Variants in PLXNA4 observed in about 807,000 individuals in gnomAD.
PLXNA4 encodes the protein plexin A4.
PLXNA4 carries 44 observed loss-of-function variants against 191.8 expected under a neutral mutation model. That is an observed-to-expected ratio of 0.23 (90% CI 0.18 to 0.29). PLXNA4 has a LOEUF of 0.29. PLXNA4 is among the 10% of genes least tolerant of loss of function. The pLI, the probability that PLXNA4 is intolerant of heterozygous loss-of-function variation, is 1.00. For synonymous variants in PLXNA4, 1,082 were observed against 1,009.5 expected, an observed-to-expected ratio of 1.07 and a Z score of -1.36; for missense variants, 1,800 against 2,488.8, an observed-to-expected ratio of 0.72 and a Z score of 5.89.
chr7:132,456,422 T>C (rs966788941), intron 3 of PLXNA4, among the ~76,000 whole-genome samples: 1 of 152,178 alleles, frequency 6.6e-6, no homozygotes, highest in African/African-American at 2.4e-5. Context: ...CTCTGTTCTC[T>C]TTTTATAAGG....
intron 3 of PLXNA4, among the ~76,000 whole-genome samples, chr7:132,362,358 G>T (rs953083962): frequency 1.3e-5 from 2 of 152,206 alleles, no homozygotes; most frequent in Non-Finnish European, 2.9e-5. Context: ...TTCTGGGTTG[G>T]GAATTGGTGT....
At chr7:132,421,297 G>T (rs969845166) in intron 3 of PLXNA4, among the ~76,000 whole-genome samples, 22 of 152,298 alleles carry the variant, frequency 1.4e-4, no homozygotes, top group African/African-American at 5.3e-4. Context: ...GGCTAAATAA[G>T]AGAACACTCA....
chr7:132,132,481 TGCTCTGCTCTA>T (rs1563048444), intron 31 of PLXNA4, among the ~76,000 whole-genome samples: 9 of 67,790 alleles, frequency 1.3e-4, no homozygotes, highest in African/African-American at 3.9e-4. Context: ...TGCTCTGCTC[TGCTCTGCTCTA>T]TTCTTTTCTA....
intron 9 of PLXNA4, among the ~76,000 whole-genome samples, chr7:132,222,581 G>A (rs987807564): frequency 2.6e-5 from 4 of 152,182 alleles, no homozygotes; most frequent in Non-Finnish European, 5.9e-5. Flanking sequence ...TGTTAAAGGG[G>A]TCTGAAAGAT....
intron 3 of PLXNA4, among the ~76,000 whole-genome samples, chr7:132,396,565 G>T (rs1377725418): frequency 6.6e-6 from 1 of 152,122 alleles, no homozygotes; most frequent in African/African-American, 2.4e-5. Context: ...ATCTCAGTTT[G>T]CTACAACCTC....
intron 4 of PLXNA4, among the ~76,000 whole-genome samples, chr7:132,289,419 A>C (rs1159079460): frequency 1.3e-5 from 2 of 152,240 alleles, no homozygotes; most frequent in African/African-American, 4.8e-5. Flanking sequence ...CCTTTTGCTA[A>C]AAGCATAGGG....
At chr7:132,365,000 C>T (rs2116868497) in intron 3 of PLXNA4, among the ~76,000 whole-genome samples, 1 of 152,290 alleles carries the variant, frequency 6.6e-6, no homozygotes, top group African/African-American at 2.4e-5. Flanking sequence ...GAGATGTCCC[C>T]CTCCCTGGGG....
intron 4 of PLXNA4, among the ~76,000 whole-genome samples, chr7:132,278,736 G>T (rs1800369784): frequency 6.6e-6 from 1 of 152,198 alleles, no homozygotes; most frequent in Admixed American, 6.5e-5. Context: ...ATAGTAATTA[G>T]TTTTTTCCCC....
intron 4 of PLXNA4, among the ~76,000 whole-genome samples, chr7:132,283,881 A>C (rs942185539): frequency 5.3e-5 from 8 of 152,232 alleles, no homozygotes; most frequent in Non-Finnish European, 1.0e-4. Context: ...CAAGATATCC[A>C]CTTAACTCAA....
chr7:132,212,176 T>A (rs1480250645), intron 9 of PLXNA4, among the ~76,000 whole-genome samples: 1 of 152,122 alleles, frequency 6.6e-6, no homozygotes, highest in Admixed American at 6.5e-5. Flanking sequence ...CCTGGGCAGG[T>A]TGATCATCAA....
rs1162183932 is a variant in PLXNA4, at chr7:132,124,033, G to A, written c.*6446C>T. ...GGCCCCTACATGCTAAAGTGGGGAGGAGGGCAGTGGCATCCAATCCTTCCT... is the reference window on the plus strand; with the variant it reads ...GGCCCCTACATGCTAAAGTGGGGAGAAGGGCAGTGGCATCCAATCCTTCCT... On this transcript the variant is annotated 3_prime_UTR_variant, in exon 32 of 32. Transcript: ENST00000321063. The A allele has an allele frequency of 5.2e-5, 8 of 152,382 alleles. No homozygotes were observed. Among genetic ancestry groups the A allele is most frequent in the Non-Finnish European group, 1.2e-4 (8 of 68,062 alleles). The allele number at this position is 152,382 out of a possible 1,614,324, so 9.4% of individuals were successfully genotyped here.
chr7:132,304,957 T>G (rs1801451565), intron 3 of PLXNA4, among the ~76,000 whole-genome samples: 2 of 152,326 alleles, frequency 1.3e-5, no homozygotes, highest in South Asian at 4.1e-4. Flanking sequence ...TGCATGGGCC[T>G]CATTCTAATC....
chr7:132,229,431 G>T (rs552414285), intron 5 of PLXNA4, among the ~76,000 whole-genome samples: 21 of 152,164 alleles, frequency 1.4e-4, no homozygotes, highest in Non-Finnish European at 2.9e-4. Flanking sequence ...GAATTTCAGG[G>T]AGCAGTATTT....
intron 1 of PLXNA4, among the ~76,000 whole-genome samples, chr7:132,533,247 G>C (rs578164010): frequency 6.6e-6 from 1 of 152,288 alleles, no homozygotes; most frequent in Non-Finnish European, 1.5e-5. Context: ...CCCACTCAAA[G>C]TAGGAGGAAC....
rs1270192877 is a variant in PLXNA4 at position 132,508,203 on chromosome 7, T to C, written c.491A>G (p.Asn164Ser). ...CACTCCAAAGACTGAGCCGCTCTCG[T>C]TGACACCTGACAGATAGTGCTCCTT... The part of the protein sequence containing the change: ...HKKEHYLSGV[N>S]ESGSVFGVIV... Residue 164 changes from asparagine to serine, a missense_variant, in exon 2 of 32, where the codon AAC becomes AGC. Asn to Ser is a conservative substitution (Grantham distance 46, BLOSUM62 1). Coordinates refer to ENST00000321063, the MANE Select transcript of PLXNA4 (RefSeq NM_020911.2). This position sits in a 1 kb window ranked among gnomAD's most constrained non-coding sequence, Gnocchi z 4.4. 1.2e-6 allele frequency: 2 copies of C among 1,614,212 alleles called. No homozygotes were observed. The highest frequency in any genetic ancestry group is 1.7e-6 in the Non-Finnish European group (2 of 1,180,032).
chr7:132,613,759 C>T (rs964396478), intron 2 of PLXNA4, among the ~76,000 whole-genome samples: 3 of 152,078 alleles, frequency 2.0e-5, no homozygotes, highest in Non-Finnish European at 4.4e-5. Flanking sequence ...CAAAACACGG[C>T]CACAAGGACC....
intron 2 of PLXNA4, among the ~76,000 whole-genome samples, chr7:132,626,948 T>G (rs1803388768): frequency 1.3e-5 from 2 of 152,140 alleles, no homozygotes; most frequent in Non-Finnish European, 2.9e-5. Flanking sequence ...CCAAGGACCC[T>G]CCTTAATAAA....
intron 3 of PLXNA4, among the ~76,000 whole-genome samples, chr7:132,335,295 G>T (rs1213392955): frequency 1.3e-5 from 2 of 152,160 alleles, no homozygotes; most frequent in East Asian, 3.9e-4. Flanking sequence ...TCTGGAGGGA[G>T]GACACTAAAT....
intron 4 of PLXNA4, among the ~76,000 whole-genome samples, chr7:132,287,571 C>A (rs928228430): frequency 7.9e-5 from 12 of 152,178 alleles, no homozygotes; most frequent in Non-Finnish European, 1.3e-4. Context: ...ATGACCCCCC[C>A]CGGAGCCTCC....
Sources: gnomAD v4.1 joint callset for allele counts (sites outside exome capture counted in the v4.1 genomes callset) on GRCh38, gnomAD v4.1.1 for gene constraint, Gnocchi (gnomAD v3.1) non-coding constraint, MANE v1.5 for transcripts, NCBI Gene and HGNC (gene_info 2026-07-23, HGNC 2026-07-21) for gene names.